The following NFIA variants were observed in gnomAD, a reference collection of about 807,000 sequenced individuals.
NFIA encodes the protein nuclear factor I A, also known as nuclear factor 1 A-type.
In NFIA, 8 loss-of-function variants were observed where a neutral mutation model predicts 62.8. That is an observed-to-expected ratio of 0.13 (90% CI 0.07 to 0.23). NFIA has a LOEUF of 0.23. Among genes scored for constraint, NFIA ranks in the 10% least tolerant of loss-of-function variants. NFIA has a pLI of 1.00. For synonymous variants in NFIA, 235 were observed against 238.1 expected, an observed-to-expected ratio of 0.99 and a Z score of 0.12; for missense variants, 410 against 642.1, an observed-to-expected ratio of 0.64 and a Z score of 3.91.
chr1:61,272,184 T>G (rs930969948), intron 2 of NFIA, among the ~76,000 whole-genome samples: 4 of 152,228 alleles, frequency 2.6e-5, no homozygotes, highest in Non-Finnish European at 5.9e-5. Context: ...AATATTATAT[T>G]TAGCTGATGG....
chr1:61,095,044 T>A (rs1325482729), intron 2 of NFIA, among the ~76,000 whole-genome samples: 1 of 152,246 alleles, frequency 6.6e-6, no homozygotes, highest in Non-Finnish European at 1.5e-5. Flanking sequence ...CTTTAAAATG[T>A]TGCTAACCCT....
At chr1:61,177,292 C>A (rs893475231) in intron 2 of NFIA, among the ~76,000 whole-genome samples, 1 of 152,056 alleles carries the variant, frequency 6.6e-6, no homozygotes, top group Non-Finnish European at 1.5e-5. Flanking sequence ...TATGAAAAAA[C>A]GCAAAAGAAG....
At chr1:61,319,749 T>TA (rs1660567003) in intron 3 of NFIA, among the ~76,000 whole-genome samples, 2 of 150,386 alleles carry the variant, frequency 1.3e-5, no homozygotes, top group Admixed American at 6.7e-5. Context: ...GTAGAATGGA[T>TA]ATGGAAGAAA....
intron 3 of NFIA, among the ~76,000 whole-genome samples, chr1:61,285,456 A>G (rs745548716): frequency 2.0e-5 from 3 of 152,230 alleles, no homozygotes; most frequent in South Asian, 2.1e-4. Context: ...TGTAATATAC[A>G]TAATGTATTT....
At chr1:61,391,645 G>A (rs993275166) in intron 7 of NFIA, among the ~76,000 whole-genome samples, 4 of 152,092 alleles carry the variant, frequency 2.6e-5, no homozygotes, top group Non-Finnish European at 2.9e-5. Flanking sequence ...ATTTCCTGTG[G>A]CATTTTAAGT....
intron 9 of NFIA, among the ~76,000 whole-genome samples, chr1:61,410,198 T>C (rs144360853): frequency 1.3e-5 from 2 of 152,202 alleles, no homozygotes; most frequent in African/African-American, 4.8e-5. Context: ...TGGTCCAGTG[T>C]GGGCCTCCAG....
chr1:61,200,804 T>A (rs1395456871), intron 2 of NFIA, among the ~76,000 whole-genome samples: 1 of 152,146 alleles, frequency 6.6e-6, no homozygotes, highest in Non-Finnish European at 1.5e-5. Context: ...ATTTTAACAA[T>A]GTGTATAATG....
At chr1:61,186,516 G>A (rs1448349176) in intron 2 of NFIA, among the ~76,000 whole-genome samples, 1 of 152,116 alleles carries the variant, frequency 6.6e-6, no homozygotes, top group Non-Finnish European at 1.5e-5. Context: ...GAAGAGACAT[G>A]TATGTAAATA....
intron 5 of NFIA, among the ~76,000 whole-genome samples, chr1:61,358,379 C>CTTTCTTTTTTTTTTTTTTTTTTTTTT (rs71582639): frequency 2.1e-4 from 11 of 52,618 alleles, no homozygotes; most frequent in African/African-American, 2.5e-4. Flanking sequence ...TTCTTTCTTT[C>CTTTCTTTTTTTTTTTTTTTTTTTTTT]TTTTTTTTTT....
chr1:61,170,187 C>A (rs1649858574), intron 2 of NFIA, among the ~76,000 whole-genome samples: 1 of 152,136 alleles, frequency 6.6e-6, no homozygotes, highest in South Asian at 2.1e-4. Context: ...CCTCTGGACA[C>A]CATCAGCTGT....
At chr1:61,270,519 G>T (rs1657440177) in intron 2 of NFIA, among the ~76,000 whole-genome samples, 1 of 152,132 alleles carries the variant, frequency 6.6e-6, no homozygotes, top group Admixed American at 6.5e-5. Flanking sequence ...TGAAAATAAT[G>T]CATGTAGATT....
chr1:61,402,610 A>G (rs1665624955), intron 7 of NFIA, among the ~76,000 whole-genome samples: 1 of 152,168 alleles, frequency 6.6e-6, no homozygotes, highest in Non-Finnish European at 1.5e-5. Flanking sequence ...TCTGATTCAA[A>G]TAGGTTATGT....
At position 61,359,200 on chromosome 1, in the gene NFIA, A is replaced by C. The variant is rs752992998; in HGVS notation, c.872A>C (p.Glu291Ala). The C allele has an allele frequency of 6.2e-7, 1 of 1,613,234 alleles. No homozygotes were observed. Among genetic ancestry groups the C allele is most frequent in the Non-Finnish European group, 8.5e-7 (1 of 1,179,986 alleles). ...GATGAAATGGACAGTCCTGGTGAGG[A>C]GCCATTTTATACAGGCCAAGGGCGC... is the stretch of plus-strand genomic sequence containing the variant. Reference protein sequence around the residue: ...VEDEMDSPGEEPFYTGQGRSP... With the variant: ...VEDEMDSPGEAPFYTGQGRSP... Residue 291 changes from glutamate (E) to alanine (A), a missense_variant, in exon 6 of 11, where the codon GAG (glutamate) becomes GCG (alanine). Physicochemically the swap from Glu to Ala is moderately radical, Grantham distance 107 (BLOSUM62 -1). This residue lies in a region of NFIA where 298 missense variants were observed against 438.1 expected (regional missense o/e 0.68). Coordinates refer to ENST00000403491, the MANE Select transcript of NFIA (RefSeq NM_001134673.4).
chr1:61,127,417 G>A lies in NFIA; in HGVS notation c.559+38737G>A, dbSNP rs556572306. 3.3e-5 allele frequency among the ~76,000 whole-genome samples: 5 copies of A among 151,504 alleles called. No individual in the cohort carries two copies. In the East Asian group the frequency reaches 5.9e-4, roughly 18 times the overall value. On this transcript the variant is annotated intron_variant, in intron 2 of 10. Coordinates refer to ENST00000403491, the MANE Select transcript of NFIA (RefSeq NM_001134673.4). ...GGTTGCAGTGAGCTGAGATCGCATC[G>A]TGTCACTGCACTCCAGCCTGGGTGA...
At chr1:61,388,021 G>A (rs913615915) in intron 7 of NFIA, among the ~76,000 whole-genome samples, 12 of 152,030 alleles carry the variant, frequency 7.9e-5, no homozygotes, top group African/African-American at 2.9e-4. Context: ...AGAGACATGT[G>A]GTTTCTTAAA....
chr1:61,394,984 G>T (rs914915679), intron 7 of NFIA, among the ~76,000 whole-genome samples: 2 of 152,158 alleles, frequency 1.3e-5, no homozygotes, highest in Admixed American at 1.3e-4. Flanking sequence ...GCACATGCTT[G>T]CAGTCTCAGC....
chr1:61,330,309 G>C (rs367897502), intron 3 of NFIA, among the ~76,000 whole-genome samples: 1 of 152,080 alleles, frequency 6.6e-6, no homozygotes, highest in African/African-American at 2.4e-5. Context: ...ACTTACTAAC[G>C]TGCTTTGTCT....
chr1:61,302,005 A>G (rs903807973), intron 3 of NFIA, among the ~76,000 whole-genome samples: 3 of 152,192 alleles, frequency 2.0e-5, no homozygotes, highest in Non-Finnish European at 4.4e-5. Context: ...CCCATTTACA[A>G]TATTACTTGG....
At chr1:61,400,926 T>C (rs1665527628) in intron 7 of NFIA, among the ~76,000 whole-genome samples, 2 of 152,216 alleles carry the variant, frequency 1.3e-5, no homozygotes, top group African/African-American at 2.4e-5. Flanking sequence ...GAAACAAAGT[T>C]AGGCAGGCAT....
Sources: allele counts gnomAD v4.1 joint callset (sites outside exome capture counted in the v4.1 genomes callset), GRCh38; gene constraint gnomAD v4.1.1; regional missense constraint gnomAD v4.1.1; transcripts MANE v1.5; gene names NCBI Gene and HGNC (gene_info 2026-07-23, HGNC 2026-07-21).